DCC: variants seen among roughly 807,000 people sequenced by gnomAD.
DCC encodes the protein netrin receptor DCC.
A neutral mutation model predicts 172.5 loss-of-function variants in DCC; 58 were observed. The observed-to-expected ratio is 0.34, with a 90% CI of 0.27 to 0.42. The LOEUF (loss-of-function observed/expected upper bound fraction) is 0.42, where lower values mean the gene tolerates loss of function less well. Ranked by LOEUF, DCC falls within the 10% of genes least tolerant of loss-of-function variation. The probability of loss-of-function intolerance (pLI) is 1.00; values close to 1 mark genes in which losing one functional copy is unlikely to be tolerated. For missense variants in DCC, 1,740 were observed against 1,791.0 expected (o/e 0.97, Z 0.51); for synonymous variants, 709 against 644.5 (o/e 1.10, Z -1.52).
intron 1 of DCC, among the ~76,000 whole-genome samples, chr18:52,728,866 T>TC (rs1184152675): frequency 6.6e-6 from 1 of 152,120 alleles, no homozygotes; most frequent in Non-Finnish European, 1.5e-5. Context: ...TCGACAGCTG[T>TC]CAAAAGGGCA....
intron 2 of DCC, among the ~76,000 whole-genome samples, chr18:52,862,423 C>T (rs1423405405): frequency 1.3e-5 from 2 of 152,004 alleles, no homozygotes; most frequent in African/African-American, 4.8e-5. Flanking sequence ...AATATTCCGG[C>T]CGGGTGTTAT....
intron 1 of DCC, among the ~76,000 whole-genome samples, chr18:52,651,481 C>T (rs2035129716): frequency 6.6e-6 from 1 of 151,576 alleles, no homozygotes; most frequent in African/African-American, 2.4e-5. Context: ...CCACACTTAG[C>T]CTATGCATTT....
chr18:52,599,896 G>A lies in DCC; in HGVS notation c.92-152158G>A, dbSNP rs959438335. Among the ~76,000 whole-genome samples, 8 of 152,190 alleles carry A rather than the reference G, an allele frequency of 5.3e-5. No homozygotes were observed. In the East Asian group the frequency reaches 5.8e-4, roughly 11 times the overall value. ...TAGGCAATGACTGCCTTTGTGTTGCGTGCTGTTATCGCCCCTGTTCTAACC... is the reference window on the plus strand; with the variant it reads ...TAGGCAATGACTGCCTTTGTGTTGCATGCTGTTATCGCCCCTGTTCTAACC... On this transcript the variant is annotated intron_variant, in intron 1 of 28. Coordinates refer to ENST00000442544, the MANE Select transcript of DCC (RefSeq NM_005215.4).
At chr18:52,865,174 C>T (rs2039203911) in intron 2 of DCC, among the ~76,000 whole-genome samples, 1 of 152,038 alleles carries the variant, frequency 6.6e-6, no homozygotes, top group Admixed American at 6.6e-5. Flanking sequence ...TGAACTCACC[C>T]TTTCTTATGG....
chr18:53,302,916 G>C (rs1568041635), intron 12 of DCC, among the ~76,000 whole-genome samples: 1 of 152,054 alleles, frequency 6.6e-6, no homozygotes, highest in Non-Finnish European at 1.5e-5. Context: ...TGAGGCTCTA[G>C]TATTTTACAG....
rs541601836 is a variant in DCC at position 53,464,693 on chromosome 18, T to G, written c.3620-3201T>G. ...TATCAAAGGACTTATTTGAAAACTA[T>G]GTTACCACCGGGAGCTGTGGCTCAC... On this transcript the variant is annotated intron_variant, in intron 24 of 28. Coordinates refer to ENST00000442544, the MANE Select transcript of DCC (RefSeq NM_005215.4). Among the ~76,000 whole-genome samples the G allele has an allele frequency of 2.0e-5, 3 of 151,474 alleles. No individual in the cohort carries two copies. The East Asian group carries it at 5.8e-4, about 29-fold the overall frequency.
At chr18:53,248,431 G>C (rs981201771) in intron 12 of DCC, among the ~76,000 whole-genome samples, 3 of 151,960 alleles carry the variant, frequency 2.0e-5, no homozygotes, top group African/African-American at 7.2e-5. Context: ...GGTAGCAATG[G>C]AAAACCACTT....
chr18:52,586,108 A>C (rs113377886), intron 1 of DCC, among the ~76,000 whole-genome samples: 8,903 of 124,878 alleles, frequency 0.071, 396 homozygotes, highest in Non-Finnish European at 0.11. Context: ...AAAAAAAAAA[A>C]CAAAAACACT....
chr18:53,094,271 C>A (rs1008468711), intron 7 of DCC, among the ~76,000 whole-genome samples: 3 of 152,146 alleles, frequency 2.0e-5, no homozygotes, highest in African/African-American at 7.2e-5. Flanking sequence ...AAGATATGTA[C>A]AGACAGTGTC....
At chr18:53,473,844 A>T (rs2045728278) in intron 25 of DCC, among the ~76,000 whole-genome samples, 1 of 152,182 alleles carries the variant, frequency 6.6e-6, no homozygotes, top group South Asian at 2.1e-4. Flanking sequence ...TTGTCTAAAC[A>T]TGGAAGCTGA....
intron 2 of DCC, among the ~76,000 whole-genome samples, chr18:52,897,409 A>G (rs1173039867): frequency 6.6e-6 from 1 of 152,214 alleles, no homozygotes; most frequent in Non-Finnish European, 1.5e-5. Context: ...CCAAAGCTCA[A>G]ATCCAACTTT....
intron 1 of DCC, among the ~76,000 whole-genome samples, chr18:52,450,603 C>T (rs1988272152): frequency 6.6e-6 from 1 of 152,150 alleles, no homozygotes; most frequent in Non-Finnish European, 1.5e-5. Context: ...ACGTTTCTTA[C>T]TCATCAGTCC....
At chr18:52,540,434 A>C (rs1208926906) in intron 1 of DCC, among the ~76,000 whole-genome samples, 3 of 152,050 alleles carry the variant, frequency 2.0e-5, no homozygotes, top group Non-Finnish European at 2.9e-5. Flanking sequence ...CTCAAAAAAA[A>C]ACCATATTTT....
intron 1 of DCC, among the ~76,000 whole-genome samples, chr18:52,750,151 T>C (rs1424956314): frequency 6.6e-6 from 1 of 152,220 alleles, no homozygotes; most frequent in East Asian, 1.9e-4. Context: ...AATCTTGTTC[T>C]AAAAGCCTCC....
chr18:52,842,929 G>A (rs1422194909), intron 2 of DCC, among the ~76,000 whole-genome samples: 1 of 138,574 alleles, frequency 7.2e-6, no homozygotes, highest in African/African-American at 3.5e-5. Context: ...AAAACTTGAA[G>A]AGAAGCAAGT....
At chr18:52,498,702 C>T (rs1381805175) in intron 1 of DCC, among the ~76,000 whole-genome samples, 1 of 151,900 alleles carries the variant, frequency 6.6e-6, no homozygotes, top group Admixed American at 6.6e-5. Context: ...ACCAGTAAGT[C>T]TCATATTCAG....
Position 52,340,425 on chromosome 18 carries a change from T to G in DCC, c.-363T>G, listed in dbSNP as rs1983572458. 1 of 366,840 alleles carries G rather than the reference T, an allele frequency of 2.7e-6. No individual in the cohort carries two copies. The highest frequency in any genetic ancestry group is 8.3e-4 in the Middle Eastern group (1 of 1,206). The allele number at this position is 366,840 out of a possible 1,614,324, so 22.7% of individuals were successfully genotyped here. On this transcript the variant is annotated 5_prime_UTR_variant, in exon 1 of 29. Transcript: ENST00000442544. Reference sequence around the variant, plus strand: ...TTGCCTTCCATCTCCTCTTGGTCCCTCCTGGATGTGGTTTATTGATGACTT... The same window carrying G: ...TTGCCTTCCATCTCCTCTTGGTCCCGCCTGGATGTGGTTTATTGATGACTT...
intron 5 of DCC, among the ~76,000 whole-genome samples, chr18:52,949,899 C>A (rs1266536423): frequency 2.0e-5 from 3 of 152,234 alleles, no homozygotes; most frequent in African/African-American, 7.2e-5. Flanking sequence ...GAGTTTATTT[C>A]CATCATAGAA....
chr18:52,937,375 C>T (rs930948104), intron 5 of DCC, among the ~76,000 whole-genome samples: 6 of 152,052 alleles, frequency 3.9e-5, no homozygotes, highest in Non-Finnish European at 8.8e-5. Context: ...TATTTTTGTA[C>T]CAACCTACTA....
Sources: allele counts gnomAD v4.1 joint callset (sites outside exome capture counted in the v4.1 genomes callset), GRCh38; gene constraint gnomAD v4.1.1; transcripts MANE v1.5; gene names NCBI Gene and HGNC (gene_info 2026-07-23, HGNC 2026-07-21).